The following KCMF1 variants were observed in gnomAD, a reference collection of about 807,000 sequenced individuals.
KCMF1 encodes the protein E3 ubiquitin-protein ligase KCMF1.
A neutral mutation model predicts 41.1 loss-of-function variants in KCMF1; 3 were observed. That is an observed-to-expected ratio of 0.07 (90% CI 0.03 to 0.19). KCMF1 has a LOEUF of 0.19. Among genes scored for constraint, KCMF1 ranks in the 10% least tolerant of loss-of-function variants. KCMF1 has a pLI of 1.00. For missense variants in KCMF1, 286 were observed against 488.9 expected, an observed-to-expected ratio of 0.58 and a Z score of 3.91; for synonymous variants, 142 against 164.5, an observed-to-expected ratio of 0.86 and a Z score of 1.04.
intron 2 of KCMF1, among the ~76,000 whole-genome samples, chr2:85,034,298 T>C (rs960868202): frequency 2.0e-5 from 3 of 152,236 alleles, no homozygotes; most frequent in Non-Finnish European, 4.4e-5. Flanking sequence ...TAGCTACATC[T>C]GGGAGTTCTC....
chr2:85,044,028 C>T (rs534687646), intron 4 of KCMF1, among the ~76,000 whole-genome samples: 43 of 152,282 alleles, frequency 2.8e-4, no homozygotes, highest in African/African-American at 9.6e-4. Flanking sequence ...TGAAAGTTGA[C>T]TTGTCCTTCA....
intron 1 of KCMF1, among the ~76,000 whole-genome samples, chr2:84,984,157 G>A (rs905581605): frequency 1.3e-5 from 2 of 152,082 alleles, no homozygotes; most frequent in African/African-American, 4.8e-5. Flanking sequence ...GAGGAAGGAG[G>A]ATTGTTTGAG....
chr2:84,995,881 C>A (rs1297320932), intron 1 of KCMF1, among the ~76,000 whole-genome samples: 1 of 152,116 alleles, frequency 6.6e-6, no homozygotes, highest in South Asian at 2.1e-4. Flanking sequence ...TGATAATATG[C>A]CTTTCAAGAT....
intron 1 of KCMF1, among the ~76,000 whole-genome samples, chr2:84,989,000 A>G (rs992805982): frequency 6.6e-6 from 1 of 152,194 alleles, no homozygotes; most frequent in Non-Finnish European, 1.5e-5. Flanking sequence ...CAGATATTCT[A>G]AGTTCCCCCC....
chr2:85,016,751 G>A (rs866043870), intron 1 of KCMF1, among the ~76,000 whole-genome samples: 12 of 147,054 alleles, frequency 8.2e-5, no homozygotes, highest in African/African-American at 3.0e-4. Context: ...GGAGCACATT[G>A]GCACAATTTT....
In KCMF1 at chr2:84,982,369, AC is replaced by A. The variant is rs368123296; in HGVS notation, c.16+10903del. Among the ~76,000 whole-genome samples, 409 of 136,544 alleles carry A rather than the reference AC, an allele frequency of 3.0e-3. 2 individuals carry two copies. Among genetic ancestry groups the A allele is most frequent in the African/African-American group, 0.011 (394 of 34,958 alleles). 89.6% of individuals were successfully genotyped at this position (136,544 alleles called of 152,430 possible). The stretch of plus-strand genomic sequence containing the variant: ...CAGGCAGGGATTATATAAAGGAGTT[AC>A]AGATGTGTTCCTTATTTTCTTTTTT... On this transcript the variant is annotated intron_variant, in intron 1 of 6. Transcript: ENST00000409785.
chr2:85,006,449 C>T lies in KCMF1; in HGVS notation c.17-21440C>T, dbSNP rs368850753. On this transcript the variant is annotated intron_variant, in intron 1 of 6. Transcript: ENST00000409785. ...CCGAGTAGCTGGGACTACAGGCGCC[C>T]GCCACCATGCCCGGCTAATTTTTTG... Among the ~76,000 whole-genome samples, 121 of 151,560 alleles carry T rather than the reference C, an allele frequency of 8.0e-4. 1 individual carries two copies. The highest frequency in any genetic ancestry group is 6.9e-3 in the Middle Eastern group (2 of 290).
intron 1 of KCMF1, among the ~76,000 whole-genome samples, chr2:84,996,390 C>A (rs1441842997): frequency 6.6e-6 from 1 of 150,712 alleles, no homozygotes; most frequent in Non-Finnish European, 1.5e-5. Context: ...AAAATAATCT[C>A]TCTTTTTGCT....
chr2:85,040,584 A>T (rs1191015649), intron 3 of KCMF1, among the ~76,000 whole-genome samples: 1 of 152,134 alleles, frequency 6.6e-6, no homozygotes, highest in Non-Finnish European at 1.5e-5. Context: ...GTCTTAAAGC[A>T]TGAGTTAGCT....
At chr2:85,029,071 G>A (rs1056529319) in intron 2 of KCMF1, among the ~76,000 whole-genome samples, 2 of 152,106 alleles carry the variant, frequency 1.3e-5, no homozygotes, top group Non-Finnish European at 2.9e-5. Flanking sequence ...CTGGCTTCAA[G>A]CAATTCTCGT....
chr2:85,055,050 G>A lies in KCMF1; in HGVS notation c.*1641G>A, dbSNP rs1675896745. The stretch of plus-strand genomic sequence containing the variant: ...AAATACAATAGCTTTGTTTTCTTTA[G>A]TTCTGTAATGGATAATGTTTAAAGG... On this transcript the variant is annotated 3_prime_UTR_variant, in exon 7 of 7. Transcript: ENST00000409785. 1 of 152,158 alleles carries A rather than the reference G, an allele frequency of 6.6e-6. No individual in the cohort carries two copies. The allele number at this position is 152,158 out of a possible 1,614,324, so 9.4% of individuals were successfully genotyped here.
rs375622414 is a variant in KCMF1, at chr2:85,000,570, A to G, written c.17-27319A>G. Among the ~76,000 whole-genome samples, 272 of 152,308 alleles carry G rather than the reference A, an allele frequency of 1.8e-3. 3 individuals are homozygous for G. Among genetic ancestry groups the G allele is most frequent in the African/African-American group, 6.4e-3 (265 of 41,572 alleles). The stretch of plus-strand genomic sequence containing the variant: ...AGCTCCGAAAGCAGTCTGATCAGGT[A>G]CAGTGTACTGGAAAGTCAGCTACAA... On this transcript the variant is annotated intron_variant, in intron 1 of 6. Coordinates refer to ENST00000409785, the MANE Select transcript of KCMF1 (RefSeq NM_020122.5).
intron 1 of KCMF1, among the ~76,000 whole-genome samples, chr2:85,008,398 T>A (rs556882231): frequency 8.5e-4 from 42 of 49,340 alleles, no homozygotes; most frequent in Non-Finnish European, 2.0e-3. Context: ...TGATATATAT[T>A]ATATATCATA....
At chr2:84,999,611 CAGA>C (rs1436027290) in intron 1 of KCMF1, among the ~76,000 whole-genome samples, 1 of 152,112 alleles carries the variant, frequency 6.6e-6, no homozygotes, top group East Asian at 1.9e-4. Context: ...GAAATAAGAT[CAGA>C]AGAACTTTCA....
intron 1 of KCMF1, among the ~76,000 whole-genome samples, chr2:84,980,570 G>A (rs1673709210): frequency 6.6e-6 from 1 of 152,006 alleles, no homozygotes. Flanking sequence ...TTAGTTGTTG[G>A]CTCTCTGAGT....
chr2:85,041,543 C>T (rs942910223), intron 3 of KCMF1, among the ~76,000 whole-genome samples: 2 of 152,058 alleles, frequency 1.3e-5, no homozygotes, highest in African/African-American at 2.4e-5. Context: ...AGATTTTACC[C>T]GAAGGCCAAT....
chr2:85,031,519 TA>T (rs1675267705), intron 2 of KCMF1, among the ~76,000 whole-genome samples: 1 of 152,194 alleles, frequency 6.6e-6, no homozygotes, highest in African/African-American at 2.4e-5. Flanking sequence ...ATAAATTACA[TA>T]AAATAGGCTT....
At chr2:85,010,108 T>C (rs1315655314) in intron 1 of KCMF1, among the ~76,000 whole-genome samples, 1 of 152,226 alleles carries the variant, frequency 6.6e-6, no homozygotes, top group Non-Finnish European at 1.5e-5. Context: ...CCTTTTGAAA[T>C]TGTCTTTTAT....
chr2:84,992,992 G>C (rs529189615), intron 1 of KCMF1, among the ~76,000 whole-genome samples: 2 of 152,054 alleles, frequency 1.3e-5, no homozygotes, highest in East Asian at 1.9e-4. Flanking sequence ...CCAGGTATTC[G>C]AGACTAGCCT....
Sources: allele counts gnomAD v4.1 joint callset (sites outside exome capture counted in the v4.1 genomes callset), GRCh38; gene constraint gnomAD v4.1.1; transcripts MANE v1.5; gene names NCBI Gene and HGNC (gene_info 2026-07-23, HGNC 2026-07-21).